Variants in HS6ST3 observed in about 807,000 individuals in gnomAD.
HS6ST3 encodes the protein heparan-sulfate 6-O-sulfotransferase 3.
HS6ST3 carries 12 observed loss-of-function variants against 36.7 expected under a neutral mutation model. That is an observed-to-expected ratio of 0.33 (90% CI 0.21 to 0.53). The LOEUF (loss-of-function observed/expected upper bound fraction) is 0.53, where lower values mean the gene tolerates loss of function less well. Among genes scored for constraint, HS6ST3 ranks in the 20% least tolerant of loss-of-function variants. HS6ST3 has a pLI of 0.95. For synonymous variants in HS6ST3, 240 were observed against 257.5 expected (o/e 0.93, Z 0.65); for missense variants, 584 against 640.9 (o/e 0.91, Z 0.96).
chr13:96,342,599 A>G lies in HS6ST3; in HGVS notation c.707+251030A>G, dbSNP rs528836415. On this transcript the variant is annotated intron_variant, in intron 1 of 1. Coordinates refer to ENST00000376705, the MANE Select transcript of HS6ST3 (RefSeq NM_153456.4). ...TATTTTGAAGAATAGCTTCTCCTTA[A>G]CAAGACAGAATCCACACAAAGCAAT... is the stretch of plus-strand genomic sequence containing the variant. 2.0e-5 allele frequency among the ~76,000 whole-genome samples: 3 copies of G among 152,344 alleles called. No homozygotes were observed. In the South Asian group the frequency reaches 6.2e-4, roughly 32 times the overall value.
chr13:96,403,733 A>G (rs995733606), intron 1 of HS6ST3, among the ~76,000 whole-genome samples: 2 of 152,218 alleles, frequency 1.3e-5, no homozygotes, highest in African/African-American at 4.8e-5. Flanking sequence ...ATGTACAACA[A>G]TATAGCTGTG....
chr13:96,259,933 G>GTTTAAT (rs2054655796), intron 1 of HS6ST3, among the ~76,000 whole-genome samples: 1 of 151,562 alleles, frequency 6.6e-6, no homozygotes, highest in Non-Finnish European at 1.5e-5. Context: ...ACCATGATTT[G>GTTTAAT]GGTATGTAGC....
chr13:96,417,416 C>A (rs1251326643), intron 1 of HS6ST3, among the ~76,000 whole-genome samples: 1 of 152,012 alleles, frequency 6.6e-6, no homozygotes, highest in Non-Finnish European at 1.5e-5. Flanking sequence ...AGTTTTACTG[C>A]TGATTTAGCT....
At chr13:96,627,101 C>T (rs1265759689) in intron 1 of HS6ST3, among the ~76,000 whole-genome samples, 1 of 151,986 alleles carries the variant, frequency 6.6e-6, no homozygotes, top group Non-Finnish European at 1.5e-5. Flanking sequence ...ACAAGTCATC[C>T]TTGTTCTGTT....
At chr13:96,756,606 TAACAA>T (rs1362993477) in intron 1 of HS6ST3, among the ~76,000 whole-genome samples, 1 of 152,236 alleles carries the variant, frequency 6.6e-6, no homozygotes, top group Non-Finnish European at 1.5e-5. Flanking sequence ...TACTGGATCT[TAACAA>T]AAGAAAGTCT....
chr13:96,386,983 C>T (rs1171929363), intron 1 of HS6ST3, among the ~76,000 whole-genome samples: 1 of 152,056 alleles, frequency 6.6e-6, no homozygotes, highest in African/African-American at 2.4e-5. Flanking sequence ...GGCTGGAGTG[C>T]GGTGGCATGA....
In HS6ST3 at chr13:96,665,310, A is replaced by G. The variant is rs372553547; in HGVS notation, c.708-167180A>G. On this transcript the variant is annotated intron_variant, in intron 1 of 1. Transcript: ENST00000376705. ...ATTGAATGCCTACATTGTGCCACAT[A>G]CATAGCAATGGAGCTGGAGACATCA... 3.1e-4 allele frequency among the ~76,000 whole-genome samples: 47 copies of G among 152,328 alleles called. No individual in the cohort carries two copies. In the South Asian group the frequency reaches 9.7e-3, roughly 32 times the overall value.
At chr13:96,120,870 A>G (rs1395427289) in intron 1 of HS6ST3, among the ~76,000 whole-genome samples, 1 of 152,230 alleles carries the variant, frequency 6.6e-6, no homozygotes. Flanking sequence ...AAGGACATGT[A>G]TTACAAAAGC....
intron 1 of HS6ST3, among the ~76,000 whole-genome samples, chr13:96,152,640 C>CT (rs1293942071): frequency 1.3e-5 from 2 of 151,960 alleles, no homozygotes; most frequent in Non-Finnish European, 2.9e-5. Flanking sequence ...CCTGGCTCCT[C>CT]TTTTTTTAAT....
In HS6ST3 at chr13:96,837,412, G is replaced by T. The variant is rs1594871950; in HGVS notation, c.*4214G>T. On this transcript the variant is annotated 3_prime_UTR_variant, in exon 2 of 2. Coordinates refer to ENST00000376705, the MANE Select transcript of HS6ST3 (RefSeq NM_153456.4). ...TTTGGGATGGAGAGTCAGATATGTT[G>T]AAAGATTTCCCAACGACTCTAATTT... 1 of 152,112 alleles carries T rather than the reference G, an allele frequency of 6.6e-6. No individual in the cohort carries two copies. The highest frequency in any genetic ancestry group is 2.4e-5 in the African/African-American group (1 of 41,436). 9.4% of individuals were successfully genotyped at this position (152,112 alleles called of 1,614,324 possible). A position where few individuals can be genotyped will look rare whatever the true frequency, so the allele number is the denominator to read the frequency against.
At chr13:96,231,471 A>C (rs2054507887) in intron 1 of HS6ST3, among the ~76,000 whole-genome samples, 1 of 152,130 alleles carries the variant, frequency 6.6e-6, no homozygotes, top group Non-Finnish European at 1.5e-5. Flanking sequence ...GCAGAAAGCA[A>C]AGGGGAAGCA....
intron 1 of HS6ST3, among the ~76,000 whole-genome samples, chr13:96,218,239 G>A (rs1490185325): frequency 3.9e-5 from 6 of 152,172 alleles, no homozygotes; most frequent in Non-Finnish European, 5.9e-5. Flanking sequence ...TGAATGTCAG[G>A]TAAGGGACAC....
chr13:96,729,227 GC>G lies in HS6ST3; in HGVS notation c.708-103262del, dbSNP rs529985839. On this transcript the variant is annotated intron_variant, in intron 1 of 1. Coordinates refer to ENST00000376705, the MANE Select transcript of HS6ST3 (RefSeq NM_153456.4). ...GTATTAAATAGAACGGCCACTCTGT[GC>G]TGGAATCCAACCTCTGCACTCTAAG... Among the ~76,000 whole-genome samples, 689 of 152,202 alleles carry G rather than the reference GC, an allele frequency of 4.5e-3. 4 individuals are homozygous for G. The highest frequency in any genetic ancestry group is 0.015 in the African/African-American group (633 of 41,540).
intron 1 of HS6ST3, among the ~76,000 whole-genome samples, chr13:96,117,010 C>G (rs1334470449): frequency 6.6e-6 from 1 of 152,170 alleles, no homozygotes. Context: ...CAGAAAGTCA[C>G]TAAGCCCTGT....
At chr13:96,452,604 G>C (rs1207938598) in intron 1 of HS6ST3, among the ~76,000 whole-genome samples, 1 of 151,606 alleles carries the variant, frequency 6.6e-6, no homozygotes, top group African/African-American at 2.4e-5. Flanking sequence ...AAAGTCTTGT[G>C]TCTTAAAATA....
chr13:96,242,521 A>G (rs1158639618), intron 1 of HS6ST3, among the ~76,000 whole-genome samples: 2 of 152,120 alleles, frequency 1.3e-5, no homozygotes, highest in African/African-American at 4.8e-5. Context: ...GCCCGACCCA[A>G]GTCTATTTTA....
intron 1 of HS6ST3, among the ~76,000 whole-genome samples, chr13:96,368,667 TA>T (rs1230005924): frequency 3.9e-5 from 6 of 152,188 alleles, no homozygotes; most frequent in Non-Finnish European, 8.8e-5. Flanking sequence ...AGCTATCAAT[TA>T]TTTAGAATTT....
At chr13:96,583,282 C>T (rs750646379) in intron 1 of HS6ST3, among the ~76,000 whole-genome samples, 9 of 118,034 alleles carry the variant, frequency 7.6e-5, no homozygotes, top group Admixed American at 2.4e-4. Flanking sequence ...GGTGCCATCT[C>T]GGCTCACTGC....
At chr13:96,682,356 C>G (rs1220644088) in intron 1 of HS6ST3, among the ~76,000 whole-genome samples, 1 of 152,124 alleles carries the variant, frequency 6.6e-6, no homozygotes, top group Non-Finnish European at 1.5e-5. Context: ...TCAGTAAAAT[C>G]TTGCCTCCTG....
Sources: gnomAD v4.1 joint callset for allele counts (sites outside exome capture counted in the v4.1 genomes callset) on GRCh38, gnomAD v4.1.1 for gene constraint, MANE v1.5 for transcripts, NCBI Gene and HGNC (gene_info 2026-07-23, HGNC 2026-07-21) for gene names.